The following LPP variants were observed in gnomAD, a reference collection of about 807,000 sequenced individuals.
The protein encoded by LPP is LIM domain containing preferred translocation partner in lipoma.
LPP carries 38 observed loss-of-function variants against 60.4 expected under a neutral mutation model. The observed-to-expected ratio is 0.63, with a 90% CI of 0.49 to 0.83. LPP has a LOEUF of 0.83. Among genes scored for constraint, LPP ranks in the 40% least tolerant of loss-of-function variants. The probability of loss-of-function intolerance (pLI) is 0.00; values close to 1 mark genes in which losing one functional copy is unlikely to be tolerated. For missense variants in LPP, 902 were observed against 783.6 expected (o/e 1.15, Z -1.80); for synonymous variants, 328 against 290.8 (o/e 1.13, Z -1.30).
intron 7 of LPP, among the ~76,000 whole-genome samples, chr3:188,702,483 A>G (rs548034436): frequency 6.6e-6 from 1 of 151,898 alleles, no homozygotes; most frequent in Admixed American, 6.6e-5. Flanking sequence ...GTAATTGCCT[A>G]TTTTCATGTC....
At position 188,652,274 on chromosome 3, in the gene LPP, G is replaced by A. The variant is rs772912044; in HGVS notation, c.1113+42430G>A. ...GATCTGGACTTCATATGCTTTCACCGAACATGCATATGGCTCTTCTTATTA... is the reference window on the plus strand; with the variant it reads ...GATCTGGACTTCATATGCTTTCACCAAACATGCATATGGCTCTTCTTATTA... On this transcript the variant is annotated intron_variant, in intron 7 of 11. Coordinates refer to ENST00000617246, the MANE Select transcript of LPP (RefSeq NM_001375462.1). 1.9e-4 allele frequency among the ~76,000 whole-genome samples: 29 copies of A among 152,250 alleles called. No individual in the cohort carries two copies. The East Asian group carries it at 3.9e-3, about 20-fold the overall frequency.
chr3:188,819,439 G>A (rs919312716), intron 9 of LPP, among the ~76,000 whole-genome samples: 1 of 152,010 alleles, frequency 6.6e-6, no homozygotes, highest in African/African-American at 2.4e-5. Flanking sequence ...GAGGCTACAG[G>A]ATTCACAAAA....
chr3:188,720,453 C>A (rs1233563562), intron 8 of LPP, among the ~76,000 whole-genome samples: 4 of 152,016 alleles, frequency 2.6e-5, no homozygotes, highest in Non-Finnish European at 5.9e-5. Context: ...GTACTTGTGC[C>A]ATATAAAATG....
At chr3:188,785,784 A>C (rs35273912) in intron 9 of LPP, among the ~76,000 whole-genome samples, 21,171 of 151,720 alleles carry the variant, frequency 0.14, 1,542 homozygotes, top group Middle Eastern at 0.19. Context: ...GAATCTCCAC[A>C]TTGTTTCCAT....
intron 2 of LPP, among the ~76,000 whole-genome samples, chr3:188,295,535 T>G (rs1747580847): frequency 6.6e-6 from 1 of 152,212 alleles, no homozygotes; most frequent in Non-Finnish European, 1.5e-5. Flanking sequence ...CATTTTTGTT[T>G]TTTTGTTATT....
chr3:188,352,151 G>A lies in LPP; in HGVS notation c.-10+10432G>A, dbSNP rs1210464440. ...GGTCTTAAGGCTCTGTGATGGCAGA[G>A]TCTTCTGTATTGGACTGTGAAGATT... On this transcript the variant is annotated intron_variant, in intron 3 of 11. Transcript: ENST00000617246. This position sits in a 1 kb window ranked among gnomAD's most constrained non-coding sequence, Gnocchi z 4.4. Among the ~76,000 whole-genome samples, 1 of 152,182 alleles carries A rather than the reference G, an allele frequency of 6.6e-6. No individual in the cohort carries two copies. The highest frequency in any genetic ancestry group is 1.9e-4 in the East Asian group (1 of 5,196).
chr3:188,248,468 T>TTATATATATAGTTATATATATA (rs528762603), intron 2 of LPP, among the ~76,000 whole-genome samples: 41 of 84,140 alleles, frequency 4.9e-4, no homozygotes, highest in Non-Finnish European at 8.0e-4. Flanking sequence ...CAGTATAACT[T>TTATATATATAGTTATATATATA]TATATATATA....
intron 9 of LPP, among the ~76,000 whole-genome samples, chr3:188,775,053 G>GTTTTTTTTTTTTTTTTTTTTTTT (rs764136747): frequency 7.8e-6 from 1 of 127,658 alleles, no homozygotes. Flanking sequence ...TACATGCTTA[G>GTTTTTTTTTTTTTTTTTTTTTTT]TGTTTTTTTT....
intron 8 of LPP, among the ~76,000 whole-genome samples, chr3:188,749,824 T>A (rs1037655882): frequency 2.0e-5 from 3 of 152,250 alleles, no homozygotes; most frequent in African/African-American, 7.2e-5. Flanking sequence ...AGGCTAATTA[T>A]AATTTTTATT....
chr3:188,606,821 A>C (rs1482488014), intron 6 of LPP, among the ~76,000 whole-genome samples: 1 of 152,102 alleles, frequency 6.6e-6, no homozygotes, highest in Non-Finnish European at 1.5e-5. Context: ...TGAATGAAAG[A>C]GGGAATAAAG....
At position 188,323,990 on chromosome 3, in the gene LPP, C is replaced by T. The variant is rs76224292; in HGVS notation, c.-66-17673C>T. The stretch of plus-strand genomic sequence containing the variant: ...CCAGATTTGGAGATAGTACATGTTG[C>T]AATGTGGTTGACACAGAATAAGCTT... On this transcript the variant is annotated intron_variant, in intron 2 of 11. Transcript: ENST00000617246. Among the ~76,000 whole-genome samples, 141 of 152,254 alleles carry T rather than the reference C, an allele frequency of 9.3e-4. No homozygotes were observed. The East Asian group carries it at 0.022, about 23-fold the overall frequency.
chr3:188,252,338 C>T (rs1298729343), intron 2 of LPP, among the ~76,000 whole-genome samples: 2 of 132,604 alleles, frequency 1.5e-5, no homozygotes, highest in Non-Finnish European at 3.2e-5. Context: ...CTCCCTCCCT[C>T]CCTTTCCCCC....
intron 2 of LPP, among the ~76,000 whole-genome samples, chr3:188,337,267 C>T (rs1761921915): frequency 6.6e-6 from 1 of 152,210 alleles, no homozygotes; most frequent in Non-Finnish European, 1.5e-5. Flanking sequence ...TCCAAGACGG[C>T]ATAGCGCAGT....
At chr3:188,413,637 A>T (rs985270441) in intron 4 of LPP, among the ~76,000 whole-genome samples, 1 of 152,170 alleles carries the variant, frequency 6.6e-6, no homozygotes. Context: ...TCATTAAAGG[A>T]TCAAATATTA....
At chr3:188,329,476 T>G (rs1052923139) in intron 2 of LPP, among the ~76,000 whole-genome samples, 10 of 152,202 alleles carry the variant, frequency 6.6e-5, no homozygotes, top group Non-Finnish European at 1.5e-4. Context: ...CTTACTGGTT[T>G]ACATTCCTGA....
chr3:188,616,510 C>T (rs1301871560), intron 7 of LPP, among the ~76,000 whole-genome samples: 1 of 152,108 alleles, frequency 6.6e-6, no homozygotes, highest in Non-Finnish European at 1.5e-5. Context: ...AGTTTGAAGT[C>T]AGGTAGCATG....
intron 9 of LPP, among the ~76,000 whole-genome samples, chr3:188,797,543 C>G (rs1020234159): frequency 6.6e-6 from 1 of 152,170 alleles, no homozygotes; most frequent in Non-Finnish European, 1.5e-5. Context: ...ATCCTACACT[C>G]TAGCCATCCT....
At chr3:188,448,564 TG>T (rs1273164107) in intron 4 of LPP, among the ~76,000 whole-genome samples, 1 of 152,036 alleles carries the variant, frequency 6.6e-6, no homozygotes, top group African/African-American at 2.4e-5. Flanking sequence ...GCAACCAAGG[TG>T]GGGCTAAATA....
At chr3:188,380,278 A>G (rs1352704258) in intron 3 of LPP, among the ~76,000 whole-genome samples, 2 of 152,384 alleles carry the variant, frequency 1.3e-5, no homozygotes, top group South Asian at 4.1e-4. Context: ...AACTCGATAG[A>G]TTATAGTTAT....
Sources: allele counts gnomAD v4.1 joint callset (sites outside exome capture counted in the v4.1 genomes callset), GRCh38; gene constraint gnomAD v4.1.1; non-coding constraint Gnocchi (gnomAD v3.1); transcripts MANE v1.5; gene names NCBI Gene and HGNC (gene_info 2026-07-23, HGNC 2026-07-21).